Variants in CYP4F22 observed in about 807,000 individuals in gnomAD.
The protein encoded by CYP4F22 is cytochrome P450 family 4 subfamily F member 22, also known as ultra-long-chain fatty acid omega-hydroxylase.
Under a neutral mutation model 60.4 loss-of-function variants are expected in CYP4F22, and 37 were observed. That is an observed-to-expected ratio of 0.61 (90% CI 0.47 to 0.81). The LOEUF (loss-of-function observed/expected upper bound fraction) is 0.81. Ranked by LOEUF, CYP4F22 falls within the 30% of genes least tolerant of loss-of-function variation. CYP4F22 has a pLI of 0.00. For synonymous variants in CYP4F22, 258 were observed against 280.5 expected (o/e 0.92, Z 0.80); for missense variants, 655 against 715.0 (o/e 0.92, Z 0.96).
At chr19:15,533,602 T>TC (rs1270086637) in intron 4 of CYP4F22, among the ~76,000 whole-genome samples, 148 of 145,682 alleles carry the variant, frequency 1.0e-3, no homozygotes, top group African/African-American at 3.5e-3. Flanking sequence ...TTTTTTTTTT[T>TC]TTTTTTTTTT....
chr19:15,512,676 C>G (rs966232551), intron 1 of CYP4F22, among the ~76,000 whole-genome samples: 5 of 152,094 alleles, frequency 3.3e-5, no homozygotes, highest in Non-Finnish European at 7.4e-5. Flanking sequence ...TTCCTTGGTT[C>G]AAGTGATCCT....
At chr19:15,541,227 C>T (rs1475818531) in intron 8 of CYP4F22, among the ~76,000 whole-genome samples, 2 of 152,202 alleles carry the variant, frequency 1.3e-5, no homozygotes, top group Non-Finnish European at 2.9e-5. Context: ...TAAACATCAG[C>T]CATTTATTCT....
At chr19:15,550,095 A>AT (rs1971577081) in intron 12 of CYP4F22, among the ~76,000 whole-genome samples, 2 of 151,848 alleles carry the variant, frequency 1.3e-5, no homozygotes, top group Non-Finnish European at 2.9e-5. Context: ...TGCCTGGCTA[A>AT]TTTTTTTGTA....
chr19:15,518,110 G>A (rs1971175996), intron 1 of CYP4F22, among the ~76,000 whole-genome samples: 1 of 152,112 alleles, frequency 6.6e-6, no homozygotes, highest in Non-Finnish European at 1.5e-5. Context: ...GCTGAGGTGG[G>A]AGGATTGTCT....
intron 1 of CYP4F22, among the ~76,000 whole-genome samples, chr19:15,510,145 C>T (rs796182462): frequency 2.6e-5 from 4 of 151,964 alleles, no homozygotes; most frequent in African/African-American, 9.6e-5. Context: ...CCACTCCTGT[C>T]TACTTTTTGT....
intron 3 of CYP4F22, among the ~76,000 whole-genome samples, chr19:15,525,771 AGAT>A (rs761796997): frequency 3.3e-5 from 5 of 152,190 alleles, no homozygotes; most frequent in African/African-American, 9.7e-5. Context: ...CTAACTTTAA[AGAT>A]GAATTATTTT....
At chr19:15,545,648 CAAAAAAAAAAA>C (rs1217096575) in intron 10 of CYP4F22, among the ~76,000 whole-genome samples, 2 of 38,938 alleles carry the variant, frequency 5.1e-5, no homozygotes, top group Non-Finnish European at 4.6e-5. Context: ...GACCCTGTCT[CAAAAAAAAAAA>C]AAAAAAAAAA....
Position 15,551,421 on chromosome 19 carries a change from A to G in CYP4F22, c.1546A>G (p.Thr516Ala), listed in dbSNP as rs961001839. ...GCGGAAGCCGGAGCTCATACTGCGC[A>G]CGGAGAACGGGCTCTGGCTCAAGGT... Reference protein sequence around the residue: ...VRRKPELILRTENGLWLKVEP... With the variant: ...VRRKPELILRAENGLWLKVEP... Residue 516 changes from threonine (T) to alanine (A), a missense_variant, in exon 14 of 14, where the codon ACG (threonine) becomes GCG (alanine). Coordinates refer to ENST00000269703, the MANE Select transcript of CYP4F22 (RefSeq NM_173483.4). The G allele has an allele frequency of 2.5e-6, 4 of 1,592,696 alleles. No individual in the cohort carries two copies. Among genetic ancestry groups the G allele is most frequent in the African/African-American group, 2.7e-5 (2 of 74,270 alleles).
At chr19:15,525,227 T>A in intron 2 of CYP4F22, 109 bp from the exon 3 acceptor site, 1 of 1,062,264 alleles carries the variant, frequency 9.4e-7, no homozygotes, top group Admixed American at 2.0e-5. Context: ...CCTTGGTGTC[T>A]GGAACTCACG....
intron 1 of CYP4F22, among the ~76,000 whole-genome samples, chr19:15,519,451 T>C (rs1388422380): frequency 6.6e-6 from 1 of 151,878 alleles, no homozygotes; most frequent in African/African-American, 2.4e-5. Context: ...TTAGTAGAGA[T>C]GGGGTTTTGC....
chr19:15,519,419 T>C (rs933528195), intron 1 of CYP4F22, among the ~76,000 whole-genome samples: 7 of 152,052 alleles, frequency 4.6e-5, no homozygotes, highest in South Asian at 4.2e-4. Flanking sequence ...CCCGCCACCA[T>C]GCCTGGTTAA....
Position 15,510,966 on chromosome 19 carries a change from A to ATTT in CYP4F22, c.-109+2398_-109+2400dup, listed in dbSNP as rs1555726127. 1.2e-3 allele frequency among the ~76,000 whole-genome samples: 122 copies of ATTT among 103,304 alleles called. 2 individuals are homozygous for ATTT. Among genetic ancestry groups the ATTT allele is most frequent in the East Asian group, 7.4e-3 (24 of 3,236 alleles). The allele number at this position is 103,304 out of a possible 152,430, so 67.8% of individuals were successfully genotyped here. ...ATACCATATATATATATATATATAT[A>ATTT]TTTTTTTTTTTTTTTTTGAGATGGA... On this transcript the variant is annotated intron_variant, in intron 1 of 13. Transcript: ENST00000269703.
At chr19:15,545,752 C>T (rs181376570) in intron 10 of CYP4F22, among the ~76,000 whole-genome samples, 47 of 151,104 alleles carry the variant, frequency 3.1e-4, no homozygotes, top group Non-Finnish European at 5.9e-4. Flanking sequence ...AGGTTCCTTT[C>T]GGTTCTATTT....
intron 1 of CYP4F22, chr19:15,516,892 C>T (rs373140964): frequency 5.2e-5 from 12 of 231,406 alleles, no homozygotes; most frequent in East Asian, 3.1e-4. Context: ...TGCAGTGGCA[C>T]GATCTTGGCT....
At chr19:15,527,104 C>A (rs1436008699) in intron 3 of CYP4F22, among the ~76,000 whole-genome samples, 1 of 152,080 alleles carries the variant, frequency 6.6e-6, no homozygotes, top group Non-Finnish European at 1.5e-5. Context: ...TTCTTCCATC[C>A]CTTACCCCTG....
At chr19:15,545,688 A>G (rs1433132290) in intron 10 of CYP4F22, among the ~76,000 whole-genome samples, 1 of 37,436 alleles carries the variant, frequency 2.7e-5, no homozygotes, top group Non-Finnish European at 5.2e-5. Flanking sequence ...AAAAGAAAAG[A>G]AAAGAAGAAA....
In CYP4F22 at chr19:15,540,805, T is replaced by G. The variant is rs574687962; in HGVS notation, c.939+88T>G. On this transcript the variant is annotated intron_variant, in intron 8 of 13. Coordinates refer to ENST00000269703, the MANE Select transcript of CYP4F22 (RefSeq NM_173483.4). ...TAAAATGATAAGTGTTAAAACTCCATTAGGCGTGGTGGCTCACACGTGTAA... is the reference window on the plus strand; with the variant it reads ...TAAAATGATAAGTGTTAAAACTCCAGTAGGCGTGGTGGCTCACACGTGTAA... 1.4e-5 allele frequency: 21 copies of G among 1,530,090 alleles called. No homozygotes were observed. In the East Asian group the frequency reaches 4.8e-4, roughly 35 times the overall value. The allele number at this position is 1,530,090 out of a possible 1,614,324, so 94.8% of individuals were successfully genotyped here.
intron 4 of CYP4F22, among the ~76,000 whole-genome samples, chr19:15,532,297 C>G (rs1037870492): frequency 2.7e-5 from 4 of 150,194 alleles, no homozygotes; most frequent in Admixed American, 1.3e-4. Flanking sequence ...CCTCCTCCTT[C>G]TACTTCTTTC....
In CYP4F22 at chr19:15,537,426, G is replaced by A; in HGVS notation, c.421+12G>A. On this transcript the variant is annotated intron_variant, in intron 5 of 13. Transcript: ENST00000269703. Reference sequence around the variant, plus strand: ...AAAACCTTGGCTAGGTGAGTGCCCAGTGGGTAGGCTGGGGCTGGGGCTTTA... The same window carrying A: ...AAAACCTTGGCTAGGTGAGTGCCCAATGGGTAGGCTGGGGCTGGGGCTTTA... 1 of 1,614,232 alleles carries A rather than the reference G, an allele frequency of 6.2e-7. No homozygotes were observed. Among genetic ancestry groups the A allele is most frequent in the Non-Finnish European group, 8.5e-7 (1 of 1,180,024 alleles).
Sources: allele counts gnomAD v4.1 joint callset (sites outside exome capture counted in the v4.1 genomes callset), GRCh38; gene constraint gnomAD v4.1.1; transcripts MANE v1.5; gene names NCBI Gene and HGNC (gene_info 2026-07-23, HGNC 2026-07-21).